SHISA6: variants seen among roughly 807,000 people sequenced by gnomAD.
The protein encoded by SHISA6 is shisa family member 6, also known as protein shisa-6.
In SHISA6, 22 loss-of-function variants were observed where a neutral mutation model predicts 47.9. The observed-to-expected ratio is 0.46, with a 90% CI of 0.33 to 0.66. SHISA6 has a LOEUF of 0.66. SHISA6 is among the 30% of genes least tolerant of loss of function. SHISA6 has a pLI of 0.02. For missense variants in SHISA6, 680 were observed against 764.6 expected, an observed-to-expected ratio of 0.89 and a Z score of 1.30; for synonymous variants, 388 against 337.8, an observed-to-expected ratio of 1.15 and a Z score of -1.63.
intron 2 of SHISA6, among the ~76,000 whole-genome samples, chr17:11,287,994 C>A (rs1430598828): frequency 6.6e-6 from 1 of 152,148 alleles, no homozygotes; most frequent in Non-Finnish European, 1.5e-5. Context: ...GTCCACTCAG[C>A]TAATCCTACT....
At chr17:11,542,524 T>C (rs1011699647) in intron 3 of SHISA6, among the ~76,000 whole-genome samples, 1 of 152,148 alleles carries the variant, frequency 6.6e-6, no homozygotes, top group African/African-American at 2.4e-5. Flanking sequence ...CATAGCTCAT[T>C]TGAGTTCATG....
chr17:11,244,138 G>A (rs867633308), intron 1 of SHISA6, among the ~76,000 whole-genome samples: 3 of 152,198 alleles, frequency 2.0e-5, no homozygotes, highest in Admixed American at 6.5e-5. Flanking sequence ...TGGGGTTGGG[G>A]AAGCAGAGTA....
chr17:11,391,434 T>C (rs1913384018), intron 3 of SHISA6, among the ~76,000 whole-genome samples: 1 of 152,172 alleles, frequency 6.6e-6, no homozygotes, highest in Admixed American at 6.5e-5. Context: ...CCATGCCCTC[T>C]TCCTCCTTGT....
intron 2 of SHISA6, among the ~76,000 whole-genome samples, chr17:11,341,820 T>C (rs1421120011): frequency 6.6e-6 from 1 of 152,206 alleles, no homozygotes; most frequent in Non-Finnish European, 1.5e-5. Flanking sequence ...GCCCATAGAC[T>C]GCACTTTGAT....
chr17:11,241,923 C>T lies in SHISA6; in HGVS notation c.501C>T (p.Tyr167=). The T allele has an allele frequency of 1.9e-6, 3 of 1,550,998 alleles. 1 individual carries two copies. Among genetic ancestry groups the T allele is most frequent in the South Asian group, 2.4e-5 (2 of 84,062 alleles). Residue 167 remains tyrosine (Y), a synonymous_variant, in exon 1 of 6, where the codon TAC becomes TAT. Coordinates refer to ENST00000441885, the MANE Select transcript of SHISA6 (RefSeq NM_207386.4). The surrounding 1 kb of genome is among the most constrained non-coding windows in gnomAD (Gnocchi z 5.5). ...TGTCGCCGGGGCCCGAGAACAAGTA[C>T]GACCCGGAGAAGGACAAGACCAACT... ...KVVSPGPENK[Y]DPEKDKTNFT... is the part of the protein sequence containing the mutation.
intron 3 of SHISA6, among the ~76,000 whole-genome samples, chr17:11,393,144 A>T (rs8078894): frequency 0.026 from 3,893 of 152,278 alleles, 160 homozygotes; most frequent in African/African-American, 0.087. Context: ...TTATTGAGGT[A>T]TTGGGCCTTG....
intron 2 of SHISA6, among the ~76,000 whole-genome samples, chr17:11,268,499 C>T (rs1047757640): frequency 6.6e-6 from 1 of 152,182 alleles, no homozygotes; most frequent in African/African-American, 2.4e-5. Flanking sequence ...TGAGATATTT[C>T]CCCCTTTCTG....
chr17:11,465,196 G>A lies in SHISA6; in HGVS notation c.895+85687G>A, dbSNP rs9908339. The stretch of plus-strand genomic sequence containing the variant: ...TGCAGTGTCCTTTCCTGCTCCCCTC[G>A]GTGCGCTTTCTGTCCCCTCTGTGTT... On this transcript the variant is annotated intron_variant, in intron 3 of 5. Transcript: ENST00000441885. 4.3e-3 allele frequency among the ~76,000 whole-genome samples: 659 copies of A among 152,150 alleles called. 9 individuals carry two copies. The highest frequency in any genetic ancestry group is 0.014 in the African/African-American group (602 of 41,522).
intron 2 of SHISA6, among the ~76,000 whole-genome samples, chr17:11,343,302 G>A (rs1420555012): frequency 6.6e-6 from 1 of 152,282 alleles, no homozygotes; most frequent in African/African-American, 2.4e-5. Context: ...GATGTCATCG[G>A]TTTAATTCCA....
At chr17:11,276,610 C>CACCATCATCATCATCACCATCACCAAT (rs1908901650) in intron 2 of SHISA6, among the ~76,000 whole-genome samples, 2 of 151,996 alleles carry the variant, frequency 1.3e-5, no homozygotes, top group Non-Finnish European at 2.9e-5. Flanking sequence ...CCACCACCAC[C>CACCATCATCATCATCACCATCACCAAT]ACCATCATCA....
chr17:11,530,717 A>G (rs2071725021), intron 3 of SHISA6, among the ~76,000 whole-genome samples: 1 of 152,230 alleles, frequency 6.6e-6, no homozygotes, highest in African/African-American at 2.4e-5. Flanking sequence ...TGTCAAGGTT[A>G]GTCGTTTATT....
chr17:11,422,621 G>T (rs935391291), intron 3 of SHISA6, among the ~76,000 whole-genome samples: 2 of 152,098 alleles, frequency 1.3e-5, no homozygotes, highest in Non-Finnish European at 2.9e-5. Context: ...AATTAGTAGG[G>T]CGTGGTGGTG....
At chr17:11,379,630 T>C in intron 3 of SHISA6, 121 bp downstream of exon 3, 7 of 643,532 alleles carry the variant, frequency 1.1e-5, no homozygotes, top group Non-Finnish European at 1.8e-5. Context: ...GGTGGTTCCA[T>C]GGCAGCTTGT....
chr17:11,455,269 G>C (rs888569845), intron 3 of SHISA6, among the ~76,000 whole-genome samples: 5 of 152,198 alleles, frequency 3.3e-5, no homozygotes, highest in African/African-American at 7.2e-5. Context: ...AAATAAAAGA[G>C]AGGGAGTTTG....
At chr17:11,462,185 C>A (rs1327334886) in intron 3 of SHISA6, among the ~76,000 whole-genome samples, 2 of 152,178 alleles carry the variant, frequency 1.3e-5, no homozygotes, top group Admixed American at 6.5e-5. Flanking sequence ...CCTCTTGCTT[C>A]TGTCCTCTCT....
At chr17:11,289,554 T>A (rs552605574) in intron 2 of SHISA6, 7 of 76,126 alleles carry the variant, frequency 9.2e-5, no homozygotes, top group Non-Finnish European at 1.8e-4. Context: ...AAAAGAATCT[T>A]TTAAAATATA....
At chr17:11,387,319 G>C (rs1055176296) in intron 3 of SHISA6, among the ~76,000 whole-genome samples, 2 of 152,126 alleles carry the variant, frequency 1.3e-5, no homozygotes, top group Admixed American at 6.5e-5. Context: ...GCTAAAAAAG[G>C]GGTGAGTGCA....
intron 2 of SHISA6, among the ~76,000 whole-genome samples, chr17:11,277,241 T>TTCTCTCTCTCTCTCTCTCTCTCTCTC (rs139388009): frequency 1.3e-5 from 1 of 78,160 alleles, no homozygotes; most frequent in Non-Finnish European, 2.4e-5. Context: ...CGGTTTCTCT[T>TTCTCTCTCTCTCTCTCTCTCTCTCTC]TCTCTCTCTC....
intron 3 of SHISA6, among the ~76,000 whole-genome samples, chr17:11,453,925 G>A (rs1027293260): frequency 3.9e-5 from 6 of 152,178 alleles, no homozygotes; most frequent in Admixed American, 1.3e-4. Context: ...TCTGTTTATC[G>A]ATTTACCCAC....
Sources: gnomAD v4.1 joint callset for allele counts (sites outside exome capture counted in the v4.1 genomes callset) on GRCh38, gnomAD v4.1.1 for gene constraint, Gnocchi (gnomAD v3.1) non-coding constraint, MANE v1.5 for transcripts, NCBI Gene and HGNC (gene_info 2026-07-23, HGNC 2026-07-21) for gene names.